ABRAXAS2: variants seen among roughly 807,000 people sequenced by gnomAD.
The protein encoded by ABRAXAS2 is abraxas 2, BRISC complex subunit, also known as BRISC complex subunit Abraxas 2.
In ABRAXAS2, 23 loss-of-function variants were observed where a neutral mutation model predicts 49.0. The ratio of observed to expected loss-of-function variants is 0.47; its 90% CI spans 0.34 to 0.66. The LOEUF (loss-of-function observed/expected upper bound fraction) is 0.66. Among genes scored for constraint, ABRAXAS2 ranks in the 30% least tolerant of loss-of-function variants. The pLI, the probability that ABRAXAS2 is intolerant of heterozygous loss-of-function variation, is 0.01. For missense variants in ABRAXAS2, 443 were observed against 511.9 expected, an observed-to-expected ratio of 0.87 and a Z score of 1.30; for synonymous variants, 168 against 180.2, an observed-to-expected ratio of 0.93 and a Z score of 0.54.
chr10:124,804,632 T>C (rs909943937), intron 1 of ABRAXAS2, among the ~76,000 whole-genome samples: 2 of 152,026 alleles, frequency 1.3e-5, no homozygotes, highest in Admixed American at 1.3e-4. Flanking sequence ...AGGCAGTGTT[T>C]CTCAAATTAG....
chr10:124,821,019 T>A (rs1427553208), intron 4 of ABRAXAS2, among the ~76,000 whole-genome samples: 1 of 151,736 alleles, frequency 6.6e-6, no homozygotes, highest in Non-Finnish European at 1.5e-5. Context: ...GCTCAGGTGA[T>A]CCTCCCACCT....
intron 8 of ABRAXAS2, among the ~76,000 whole-genome samples, chr10:124,833,969 G>A (rs73369374): frequency 0.014 from 2,196 of 152,156 alleles, 60 homozygotes; most frequent in African/African-American, 0.051. Flanking sequence ...TATTTAAGGT[G>A]TATAAGTGTA....
chr10:124,817,753 C>A (rs1032815382), intron 3 of ABRAXAS2, among the ~76,000 whole-genome samples: 11 of 152,148 alleles, frequency 7.2e-5, no homozygotes, highest in Non-Finnish European at 1.0e-4. Context: ...CACCCTCGAA[C>A]ATCCACCCGC....
intron 5 of ABRAXAS2, 50 bp downstream of exon 5, chr10:124,826,835 C>A: frequency 6.3e-7 from 1 of 1,576,838 alleles, no homozygotes; most frequent in Admixed American, 1.7e-5. Context: ...ACGTTGGGAC[C>A]AGGCGTGGTG....
At chr10:124,809,431 C>T (rs1950770317) in intron 2 of ABRAXAS2, among the ~76,000 whole-genome samples, 1 of 148,960 alleles carries the variant, frequency 6.7e-6, no homozygotes, top group African/African-American at 2.5e-5. Flanking sequence ...ATTACAGGTG[C>T]ATGCCACCAT....
rs557431185 is a variant in ABRAXAS2 at position 124,804,192 on chromosome 10, C to T, written c.72+2291C>T. On this transcript the variant is annotated intron_variant, in intron 1 of 8. Transcript: ENST00000298492. ...TGTTGAGATTACAGGCGTGACCCAC[C>T]GCATCTGACCTAGAATTTCTTGATG... 5.3e-5 allele frequency among the ~76,000 whole-genome samples: 8 copies of T among 152,252 alleles called. No homozygotes were observed. The South Asian group carries it at 1.7e-3, about 32-fold the overall frequency.
intron 4 of ABRAXAS2, among the ~76,000 whole-genome samples, chr10:124,824,500 C>G (rs895129614): frequency 1.3e-5 from 2 of 149,686 alleles, no homozygotes; most frequent in African/African-American, 5.0e-5. Context: ...TGCTCTCCAG[C>G]CTGGGCCACA....
intron 2 of ABRAXAS2, among the ~76,000 whole-genome samples, chr10:124,810,834 G>A (rs928056225): frequency 6.6e-6 from 1 of 151,514 alleles, no homozygotes; most frequent in African/African-American, 2.4e-5. Context: ...ATCCGCCTTG[G>A]CCTCCCAAAG....
intron 4 of ABRAXAS2, among the ~76,000 whole-genome samples, chr10:124,822,808 AG>A (rs1231257223): frequency 2.6e-5 from 4 of 151,026 alleles, no homozygotes; most frequent in Non-Finnish European, 5.9e-5. Context: ...AAAAAAAAAA[AG>A]ACTCTATTAT....
intron 2 of ABRAXAS2, among the ~76,000 whole-genome samples, chr10:124,813,224 C>T (rs967126683): frequency 1.3e-5 from 2 of 152,110 alleles, no homozygotes; most frequent in Non-Finnish European, 2.9e-5. Context: ...AAGAATATCA[C>T]ATTTTGAACA....
chr10:124,819,789 GA>G (rs917451590), intron 4 of ABRAXAS2, among the ~76,000 whole-genome samples: 3,551 of 129,460 alleles, frequency 0.027, 123 homozygotes, highest in African/African-American at 0.089. Flanking sequence ...AAAAAAAAAA[GA>G]AAAAAAAAAA....
At chr10:124,809,511 C>T (rs1050005154) in intron 2 of ABRAXAS2, among the ~76,000 whole-genome samples, 2 of 151,582 alleles carry the variant, frequency 1.3e-5, no homozygotes, top group East Asian at 3.9e-4. Context: ...GTCTCGAACT[C>T]GTGGCCTCAG....
chr10:124,831,544 G>T (rs553687640), intron 8 of ABRAXAS2, 81 bp downstream of exon 8: 26 of 743,728 alleles, frequency 3.5e-5, no homozygotes, highest in Admixed American at 5.7e-5. Flanking sequence ...AATAAATTAT[G>T]TGCCTCTTTC....
At chr10:124,821,383 G>A (rs946364559) in intron 4 of ABRAXAS2, among the ~76,000 whole-genome samples, 4 of 151,996 alleles carry the variant, frequency 2.6e-5, no homozygotes, top group African/African-American at 2.4e-5. Flanking sequence ...TGGCTAACAC[G>A]GTGAAACCCT....
intron 2 of ABRAXAS2, among the ~76,000 whole-genome samples, chr10:124,815,528 C>T (rs1409668194): frequency 1.3e-5 from 2 of 152,158 alleles, no homozygotes; most frequent in Non-Finnish European, 1.5e-5. Context: ...AAATTACAGC[C>T]TGGAACTCTG....
rs936279030 is a variant in ABRAXAS2, at chr10:124,835,485, T to C, written c.*514T>C. On this transcript the variant is annotated 3_prime_UTR_variant, in exon 9 of 9. Transcript: ENST00000298492. ...TTCCAAGAAGCCTGATTAGAACAAA[T>C]CAGATATACCTTCTCTTGTCTGCAT... The C allele has an allele frequency of 1.3e-5, 2 of 152,920 alleles. No individual in the cohort carries two copies. Among genetic ancestry groups the C allele is most frequent in the African/African-American group, 4.8e-5 (2 of 41,416 alleles). 9.5% of individuals were successfully genotyped at this position (152,920 alleles called of 1,614,324 possible).
intron 5 of ABRAXAS2, among the ~76,000 whole-genome samples, chr10:124,828,353 T>C (rs1002173937): frequency 6.6e-6 from 1 of 152,050 alleles, no homozygotes; most frequent in Admixed American, 6.6e-5. Context: ...GCATGCCCTT[T>C]TTAAAAAATT....
chr10:124,825,181 G>T (rs573604043), intron 4 of ABRAXAS2, among the ~76,000 whole-genome samples: 1 of 151,944 alleles, frequency 6.6e-6, no homozygotes, highest in Non-Finnish European at 1.5e-5. Flanking sequence ...AGCCAGGCGC[G>T]GTGGCACATG....
Position 124,806,855 on chromosome 10 carries a change from A to C in ABRAXAS2, c.97A>C (p.Arg33=). The C allele has an allele frequency of 6.2e-7, 1 of 1,609,170 alleles. No individual in the cohort carries two copies. The part of the protein sequence containing the change: ...DHEGFLLGEV[R]QEETFSISDS... ...GGAAGGATTTTTACTGGGAGAGGTA[A>C]GACAAGAGGAAACGTTTAGCATCAG... Residue 33 remains arginine (R), a synonymous_variant, in exon 2 of 9, where the codon AGA becomes CGA. Coordinates refer to ENST00000298492, the MANE Select transcript of ABRAXAS2 (RefSeq NM_032182.4).
Sources: allele counts gnomAD v4.1 joint callset (sites outside exome capture counted in the v4.1 genomes callset), GRCh38; gene constraint gnomAD v4.1.1; transcripts MANE v1.5; gene names NCBI Gene and HGNC (gene_info 2026-07-23, HGNC 2026-07-21).